Variants in ROBO2 observed in about 807,000 individuals in gnomAD.
ROBO2 encodes the protein roundabout guidance receptor 2.
In ROBO2, 53 loss-of-function variants were observed where a neutral mutation model predicts 160.8. The observed-to-expected ratio is 0.33, with a 90% CI of 0.26 to 0.41. The LOEUF (loss-of-function observed/expected upper bound fraction) is 0.41, where lower values mean the gene tolerates loss of function less well. Ranked by LOEUF, ROBO2 falls within the 10% of genes least tolerant of loss-of-function variation. The pLI, the probability that ROBO2 is intolerant of heterozygous loss-of-function variation, is 1.00. For missense variants in ROBO2, 1,577 were observed against 1,722.4 expected (o/e 0.92, Z 1.49); for synonymous variants, 664 against 611.7 (o/e 1.09, Z -1.26).
chr3:76,696,106 T>A (rs2092921069), intron 2 of ROBO2, among the ~76,000 whole-genome samples: 1 of 152,174 alleles, frequency 6.6e-6, no homozygotes, highest in African/African-American at 2.4e-5. Flanking sequence ...TATTTAATTC[T>A]GATCCAATTC....
At chr3:76,528,994 T>G (rs77884840) in intron 2 of ROBO2, among the ~76,000 whole-genome samples, 4,703 of 152,140 alleles carry the variant, frequency 0.031, 236 homozygotes, top group African/African-American at 0.11. Context: ...CAACATGAAG[T>G]TCACTGGTGA....
At chr3:77,119,842 G>A (rs941417437) in intron 2 of ROBO2, among the ~76,000 whole-genome samples, 5 of 152,182 alleles carry the variant, frequency 3.3e-5, no homozygotes, top group Non-Finnish European at 7.4e-5. Context: ...GACATGTAAT[G>A]ATTTTTCATG....
At chr3:75,985,212 T>A (rs1258297420) in intron 2 of ROBO2, among the ~76,000 whole-genome samples, 2 of 151,490 alleles carry the variant, frequency 1.3e-5, no homozygotes, top group African/African-American at 4.8e-5. Context: ...CTCATTTTAT[T>A]ATCATGGTTC....
intron 2 of ROBO2, among the ~76,000 whole-genome samples, chr3:76,659,838 G>T (rs1051004754): frequency 3.3e-5 from 5 of 152,160 alleles, no homozygotes; most frequent in Non-Finnish European, 7.4e-5. Context: ...AAAAACCATG[G>T]CCAGGGTGTG....
chr3:76,363,082 A>G lies in ROBO2; in HGVS notation c.109+425480A>G, dbSNP rs568576275. On this transcript the variant is annotated intron_variant, in intron 2 of 26. Transcript: ENST00000487694. ...TGGTAAATGTGTTTGGAATTTGTGA[A>G]TTGCTTCATTTTGATCAAATGATCT... 1.5e-3 allele frequency among the ~76,000 whole-genome samples: 227 copies of G among 152,146 alleles called. 2 individuals are homozygous for G. Among genetic ancestry groups the G allele is most frequent in the Non-Finnish European group, 1.9e-3 (128 of 67,992 alleles).
At position 77,480,952 on chromosome 3, in the gene ROBO2, A is replaced by T. The variant is rs2084616588; in HGVS notation, c.547-147A>T. ...GAGGGTGAATTTAAGAAAAGAAAAC[A>T]TACCTGCAAATGCCAAAATAATGGG... On this transcript the variant is annotated intron_variant, in intron 3 of 25. Coordinates refer to ENST00000461745, the Ensembl canonical transcript of ROBO2. The T allele has an allele frequency of 6.0e-6, 4 of 664,318 alleles. No homozygotes were observed. In the South Asian group the frequency reaches 7.6e-5, roughly 13 times the overall value. 41.2% of individuals were successfully genotyped at this position (664,318 alleles called of 1,614,324 possible). A position where few individuals can be genotyped will look rare whatever the true frequency, so the allele number is the denominator to read the frequency against.
At chr3:75,989,087 T>A (rs1385984925) in intron 2 of ROBO2, among the ~76,000 whole-genome samples, 2 of 152,078 alleles carry the variant, frequency 1.3e-5, no homozygotes, top group East Asian at 3.8e-4. Flanking sequence ...CATGAAGTAT[T>A]GCATTATTAA....
chr3:76,213,675 A>G (rs1211355518), intron 2 of ROBO2, among the ~76,000 whole-genome samples: 1 of 152,228 alleles, frequency 6.6e-6, no homozygotes, highest in African/African-American at 2.4e-5. Context: ...AAAACAATGC[A>G]CATAAAGGTA....
chr3:77,088,261 T>C (rs1209750487), intron 1 of ROBO2, among the ~76,000 whole-genome samples: 1 of 152,242 alleles, frequency 6.6e-6, no homozygotes, highest in Non-Finnish European at 1.5e-5. Flanking sequence ...GAAAGTTTTA[T>C]GAATCTTTAT....
At chr3:76,167,612 C>A (rs2072885329) in intron 2 of ROBO2, among the ~76,000 whole-genome samples, 2 of 152,290 alleles carry the variant, frequency 1.3e-5, no homozygotes, top group Admixed American at 6.5e-5. Flanking sequence ...AGATGGAAAT[C>A]CCTCAAAGAC....
At chr3:77,087,566 A>C (rs1053833095) in intron 1 of ROBO2, among the ~76,000 whole-genome samples, 1 of 152,122 alleles carries the variant, frequency 6.6e-6, no homozygotes, top group Non-Finnish European at 1.5e-5. Context: ...GAATTGTTGG[A>C]AATGAATTTA....
chr3:77,252,831 A>AAAAATATAT, intron 2 of ROBO2, among the ~76,000 whole-genome samples: 2 of 12,514 alleles, frequency 1.6e-4, no homozygotes, highest in African/African-American at 3.2e-4. Flanking sequence ...AAAAAAAAAA[A>AAAAATATAT]ATATATATAT....
chr3:77,045,395 T>C lies in ROBO2; in HGVS notation c.61+4549T>C, dbSNP rs1462558477. On this transcript the variant is annotated intron_variant, in intron 1 of 25. Coordinates refer to ENST00000461745, the Ensembl canonical transcript of ROBO2. ...AAATACATGTTTGGATTGATAATTC[T>C]AAAATTGCCCTAATCATTGCATGGA... is the stretch of plus-strand genomic sequence containing the variant. Among the ~76,000 whole-genome samples, 4 of 152,190 alleles carry C rather than the reference T, an allele frequency of 2.6e-5. No homozygotes were observed. In the East Asian group the frequency reaches 7.7e-4, roughly 29 times the overall value.
intron 2 of ROBO2, among the ~76,000 whole-genome samples, chr3:76,091,327 A>G (rs1178382529): frequency 6.6e-6 from 1 of 152,208 alleles, no homozygotes; most frequent in Non-Finnish European, 1.5e-5. Context: ...AAATAAGCAT[A>G]TGAAAATATA....
chr3:76,879,181 C>T (rs1187004198), intron 2 of ROBO2, among the ~76,000 whole-genome samples: 1 of 151,894 alleles, frequency 6.6e-6, no homozygotes. Flanking sequence ...TTTAATTGAC[C>T]CTTTTATATT....
intron 2 of ROBO2, among the ~76,000 whole-genome samples, chr3:76,539,542 A>C (rs1189555555): frequency 6.6e-6 from 1 of 152,170 alleles, no homozygotes; most frequent in Non-Finnish European, 1.5e-5. Context: ...CAAAGTATAC[A>C]GTTTAAATAT....
intron 2 of ROBO2, among the ~76,000 whole-genome samples, chr3:76,250,467 A>G (rs1705921575): frequency 6.6e-6 from 1 of 152,066 alleles, no homozygotes; most frequent in Admixed American, 6.6e-5. Context: ...ATTTTAGGGA[A>G]GTGTTGTCCG....
intron 2 of ROBO2, among the ~76,000 whole-genome samples, chr3:77,455,729 C>A (rs2081569761): frequency 7.6e-6 from 1 of 131,028 alleles, no homozygotes; most frequent in South Asian, 2.4e-4. Flanking sequence ...CGCGCCCGGC[C>A]TTATACTCTT....
In ROBO2 at chr3:76,644,924, A is replaced by G. The variant is rs147519315; in HGVS notation, c.110-453090A>G. On this transcript the variant is annotated intron_variant, in intron 2 of 26. Coordinates refer to the ROBO2 transcript ENST00000487694. Reference sequence around the variant, plus strand: ...ATTATGACAACCCTATGAAATGGGCACTCAGAATTTTCTTGTTCCATTTAT... The same window carrying G: ...ATTATGACAACCCTATGAAATGGGCGCTCAGAATTTTCTTGTTCCATTTAT... Among the ~76,000 whole-genome samples, 53 of 152,322 alleles carry G rather than the reference A, an allele frequency of 3.5e-4. No individual in the cohort carries two copies. In the East Asian group the frequency reaches 9.6e-3, roughly 28 times the overall value.
Sources: allele counts gnomAD v4.1 joint callset (sites outside exome capture counted in the v4.1 genomes callset), GRCh38; gene constraint gnomAD v4.1.1; transcripts MANE v1.5; gene names NCBI Gene and HGNC (gene_info 2026-07-23, HGNC 2026-07-21).